Variants in GRID1 observed in about 807,000 individuals in gnomAD.
GRID1 encodes the protein glutamate receptor ionotropic, delta-1.
A neutral mutation model predicts 98.0 loss-of-function variants in GRID1; 28 were observed. The observed-to-expected ratio is 0.29, with a 90% confidence interval of 0.21 to 0.39. The LOEUF (loss-of-function observed/expected upper bound fraction) is 0.39, where lower values mean the gene tolerates loss of function less well. GRID1 is among the 10% of genes least tolerant of loss of function. The probability of loss-of-function intolerance (pLI) is 1.00; values close to 1 mark genes in which losing one functional copy is unlikely to be tolerated. For synonymous variants in GRID1, 553 were observed against 538.5 expected (o/e 1.03, Z -0.37); for missense variants, 1,111 against 1,340.5 (o/e 0.83, Z 2.67).
At chr10:85,869,887 A>G (rs1843259847) in intron 5 of GRID1, among the ~76,000 whole-genome samples, 1 of 152,210 alleles carries the variant, frequency 6.6e-6, no homozygotes, top group Non-Finnish European at 1.5e-5. Context: ...TTTAGTGCTC[A>G]CAACATCCCA....
chr10:85,785,155 T>C (rs1050433846), intron 8 of GRID1, among the ~76,000 whole-genome samples: 4 of 152,228 alleles, frequency 2.6e-5, no homozygotes, highest in Admixed American at 6.5e-5. Context: ...AACACTCATT[T>C]TGGATTTTAC....
At chr10:86,273,873 T>C (rs1011523386) in intron 2 of GRID1, among the ~76,000 whole-genome samples, 15 of 152,194 alleles carry the variant, frequency 9.9e-5, no homozygotes, top group Admixed American at 7.2e-4. Context: ...GCCTGTTCAC[T>C]CTCATGGTAG....
At chr10:85,865,946 CAT>C (rs1843214589) in intron 6 of GRID1, among the ~76,000 whole-genome samples, 1 of 75,350 alleles carries the variant, frequency 1.3e-5, no homozygotes, top group Non-Finnish European at 2.4e-5. Flanking sequence ...TATATATACA[CAT>C]ATATATGGAG....
intron 4 of GRID1, among the ~76,000 whole-genome samples, chr10:86,076,122 C>T (rs1441801142): frequency 6.6e-6 from 1 of 152,174 alleles, no homozygotes; most frequent in Non-Finnish European, 1.5e-5. Context: ...TATTAGCTGC[C>T]ACAAGTTCTA....
At chr10:86,166,319 C>A (rs1845397912) in intron 3 of GRID1, among the ~76,000 whole-genome samples, 1 of 152,128 alleles carries the variant, frequency 6.6e-6, no homozygotes, top group Non-Finnish European at 1.5e-5. Flanking sequence ...GGGCTAATAT[C>A]CAGAATCTAC....
chr10:86,164,116 G>A (rs1845363983), intron 3 of GRID1, among the ~76,000 whole-genome samples: 5 of 152,218 alleles, frequency 3.3e-5, no homozygotes, highest in South Asian at 2.1e-4. Flanking sequence ...CAGAGTGGGA[G>A]GGGCTGTGTG....
chr10:86,034,949 G>GATGGATGC (rs879670441), intron 4 of GRID1, among the ~76,000 whole-genome samples: 2,116 of 151,578 alleles, frequency 0.014, 55 homozygotes, highest in African/African-American at 0.042. Context: ...TGGATGGATG[G>GATGGATGC]ATGGATAGAT....
chr10:86,075,864 A>G (rs1843873978), intron 4 of GRID1, among the ~76,000 whole-genome samples: 1 of 152,214 alleles, frequency 6.6e-6, no homozygotes, highest in Non-Finnish European at 1.5e-5. Context: ...ACCATAGGGC[A>G]GCTAGAAATA....
chr10:85,933,871 C>T (rs1221877606), intron 4 of GRID1, among the ~76,000 whole-genome samples: 1 of 152,206 alleles, frequency 6.6e-6, no homozygotes, highest in African/African-American at 2.4e-5. Flanking sequence ...TTATAATAGT[C>T]TGCTCAAAGA....
chr10:85,854,351 C>T (rs1843088055), intron 8 of GRID1, 145 bp downstream of exon 8: 1 of 752,214 alleles, frequency 1.3e-6, no homozygotes, highest in South Asian at 1.7e-5. Context: ...AAACACCAGC[C>T]AATGGTAGCA....
At chr10:85,976,054 C>G (rs556246946) in intron 4 of GRID1, among the ~76,000 whole-genome samples, 1 of 152,252 alleles carries the variant, frequency 6.6e-6, no homozygotes, top group South Asian at 2.1e-4. Context: ...CAAGTGTTGT[C>G]TAATAGATGC....
intron 4 of GRID1, among the ~76,000 whole-genome samples, chr10:85,946,777 A>C (rs74936072): frequency 0.016 from 2,486 of 152,296 alleles, 30 homozygotes; most frequent in Non-Finnish European, 0.028. Flanking sequence ...GTTCTCAAGC[A>C]TCCAGGAAGG....
At chr10:85,736,701 G>C (rs1275313186) in intron 8 of GRID1, among the ~76,000 whole-genome samples, 1 of 152,090 alleles carries the variant, frequency 6.6e-6, no homozygotes, top group Non-Finnish European at 1.5e-5. Flanking sequence ...TGGGCTCAGA[G>C]TATGTTTCAA....
At chr10:85,947,041 C>A (rs1217267514) in intron 4 of GRID1, among the ~76,000 whole-genome samples, 24 of 152,282 alleles carry the variant, frequency 1.6e-4, no homozygotes, top group Admixed American at 6.5e-5. Flanking sequence ...CCAGGGCAGT[C>A]CCCACCAGCA....
intron 8 of GRID1, among the ~76,000 whole-genome samples, chr10:85,776,485 G>C (rs1402043684): frequency 6.6e-6 from 1 of 152,174 alleles, no homozygotes; most frequent in African/African-American, 2.4e-5. Flanking sequence ...CAGGGTCCTG[G>C]CTGGGGCAGA....
intron 8 of GRID1, among the ~76,000 whole-genome samples, chr10:85,847,958 G>C (rs1843022649): frequency 6.6e-6 from 1 of 152,234 alleles, no homozygotes; most frequent in South Asian, 2.1e-4. Flanking sequence ...TTCTGAAAGA[G>C]AGGTTATATA....
intron 5 of GRID1, among the ~76,000 whole-genome samples, chr10:85,873,089 G>A (rs1262694774): frequency 1.3e-5 from 2 of 152,168 alleles, no homozygotes; most frequent in Non-Finnish European, 2.9e-5. Context: ...TGGGTCTCTT[G>A]TAGTGCCACA....
chr10:86,246,442 C>A, intron 2 of GRID1, among the ~76,000 whole-genome samples: 1 of 152,174 alleles, frequency 6.6e-6, no homozygotes, highest in East Asian at 1.9e-4. Context: ...AGCAAGGGAG[C>A]TCCTGACAGT....
At chr10:85,804,360 A>G (rs540475848) in intron 8 of GRID1, among the ~76,000 whole-genome samples, 1 of 152,080 alleles carries the variant, frequency 6.6e-6, no homozygotes, top group South Asian at 2.1e-4. Flanking sequence ...GACCTGTAAC[A>G]ATTAAAGATA....
Sources: allele counts gnomAD v4.1 joint callset (sites outside exome capture counted in the v4.1 genomes callset), GRCh38; gene constraint gnomAD v4.1.1; transcripts MANE v1.5; gene names NCBI Gene and HGNC (gene_info 2026-07-23, HGNC 2026-07-21).